Variants in DNAH6 observed in about 807,000 individuals in gnomAD.
The protein encoded by DNAH6 is axonemal beta dynein heavy chain 6.
A neutral mutation model predicts 491.4 loss-of-function variants in DNAH6; 340 were observed. The observed-to-expected ratio is 0.69, with a 90% CI of 0.63 to 0.76. DNAH6 has a LOEUF of 0.76. DNAH6 is among the 30% of genes least tolerant of loss of function. The probability of loss-of-function intolerance (pLI) is 0.00; values close to 1 mark genes in which losing one functional copy is unlikely to be tolerated. For missense variants in DNAH6, 4,443 were observed against 4,972.2 expected (o/e 0.89, Z 3.20); for synonymous variants, 1,603 against 1,686.1 (o/e 0.95, Z 1.21).
At chr2:84,649,103 G>A (rs764355143) in intron 33 of DNAH6, among the ~76,000 whole-genome samples, 17 of 152,244 alleles carry the variant, frequency 1.1e-4, no homozygotes, top group African/African-American at 3.6e-4. Context: ...GCAATAAAGC[G>A]TTTTTAAATA....
the DNAH6 span, among the ~76,000 whole-genome samples, chr2:84,479,121 G>A: frequency 2.6e-5 from 4 of 152,308 alleles, no homozygotes; most frequent in South Asian, 2.1e-4. Flanking sequence ...ATGTCCAACC[G>A]TAGTCTCCAA....
At chr2:84,482,389 G>T in the DNAH6 span, among the ~76,000 whole-genome samples, 1 of 152,204 alleles carries the variant, frequency 6.6e-6, no homozygotes. Context: ...ATGCTTCCAG[G>T]TGAAATAGAT....
intron 57 of DNAH6, 86 bp downstream of exon 57, chr2:84,713,345 A>G (rs1697229626): frequency 1.5e-6 from 2 of 1,370,662 alleles, no homozygotes; most frequent in East Asian, 2.5e-5. Flanking sequence ...TCCCACCCGG[A>G]GGGAAAGTGC....
intron 46 of DNAH6, among the ~76,000 whole-genome samples, chr2:84,695,122 T>A (rs1191459514): frequency 6.6e-6 from 1 of 152,106 alleles, no homozygotes; most frequent in Non-Finnish European, 1.5e-5. Context: ...TGACATGCAA[T>A]GAGTTTATAT....
intron 58 of DNAH6, among the ~76,000 whole-genome samples, chr2:84,716,112 T>TAC (rs1697506210): frequency 6.7e-6 from 1 of 149,610 alleles, no homozygotes; most frequent in Admixed American, 6.7e-5. Context: ...TATGTGTGTA[T>TAC]ATATATACAC....
chr2:84,721,076 A>G (rs1003807692), intron 59 of DNAH6, among the ~76,000 whole-genome samples: 9 of 152,240 alleles, frequency 5.9e-5, no homozygotes, highest in African/African-American at 2.2e-4. Flanking sequence ...AATGTCTACA[A>G]GTAGTTGCCA....
At chr2:84,648,800 T>C (rs1289978549) in intron 33 of DNAH6, among the ~76,000 whole-genome samples, 1 of 152,248 alleles carries the variant, frequency 6.6e-6, no homozygotes, top group Admixed American at 6.5e-5. Flanking sequence ...CAAAAGACTC[T>C]GTTGCATAAA....
At chr2:84,780,164 G>A (rs1676545146) in intron 64 of DNAH6, among the ~76,000 whole-genome samples, 1 of 151,964 alleles carries the variant, frequency 6.6e-6, no homozygotes, top group Non-Finnish European at 1.5e-5. Flanking sequence ...TGAATTTCTT[G>A]AAATTGCATG....
rs1558950664 is a variant in DNAH6, at chr2:84,715,584, A to G, written c.9568A>G (p.Asn3190Asp). The change falls in exon 58 of 77, where the codon AAT (asparagine) becomes GAT (aspartate). Residue 3190 changes from asparagine to aspartate, a missense_variant. Physicochemically the swap from Asn to Asp is conservative, Grantham distance 23 (BLOSUM62 1). Coordinates refer to ENST00000389394, the MANE Select transcript of DNAH6 (RefSeq NM_001370.2). ...GGTATGCATTAAAGTTACCATTATCAATTTCACTGTAACAAAATCAGGCCT... is the reference window on the plus strand; with the variant it reads ...GGTATGCATTAAAGTTACCATTATCGATTTCACTGTAACAAAATCAGGCCT... ...PEVCIKVTII[N>D]FTVTKSGLED... The G allele has an allele frequency of 2.6e-6, 4 of 1,551,470 alleles. No homozygotes were observed. The highest frequency in any genetic ancestry group is 1.7e-6 in the Non-Finnish European group (2 of 1,146,960).
chr2:84,798,311 A>C (rs1314942543), intron 70 of DNAH6, among the ~76,000 whole-genome samples: 2 of 152,120 alleles, frequency 1.3e-5, no homozygotes, highest in African/African-American at 4.8e-5. Flanking sequence ...GGACCTAAAG[A>C]AGGAGTCAGT....
chr2:84,758,645 A>C (rs79578387), intron 63 of DNAH6, among the ~76,000 whole-genome samples: 1,733 of 152,350 alleles, frequency 0.011, 35 homozygotes, highest in African/African-American at 0.04. Context: ...TAACGTATGC[A>C]AATCAATAAA....
the DNAH6 span, among the ~76,000 whole-genome samples, chr2:84,495,120 A>C: frequency 6.6e-6 from 1 of 152,206 alleles, no homozygotes; most frequent in Admixed American, 6.5e-5. Context: ...AGAATTTTTC[A>C]AAGTTCTCTA....
chr2:84,582,600 C>T (rs1204764815), intron 14 of DNAH6, among the ~76,000 whole-genome samples: 1 of 152,170 alleles, frequency 6.6e-6, no homozygotes, highest in Non-Finnish European at 1.5e-5. Context: ...TACAGGCATC[C>T]GCCACTGCGC....
At chr2:84,612,531 C>T (rs903766384) in intron 22 of DNAH6, among the ~76,000 whole-genome samples, 3 of 152,162 alleles carry the variant, frequency 2.0e-5, no homozygotes, top group East Asian at 1.9e-4. Flanking sequence ...CACTCTTTGC[C>T]CAAAAACTCT....
At chr2:84,503,684 G>GTT in the DNAH6 span, among the ~76,000 whole-genome samples, 22 of 143,512 alleles carry the variant, frequency 1.5e-4, no homozygotes, top group African/African-American at 2.3e-4. Context: ...TAGGGTAAAA[G>GTT]TTTTTTTTTT....
chr2:84,504,860 T>C, the DNAH6 span, among the ~76,000 whole-genome samples: 3 of 152,224 alleles, frequency 2.0e-5, no homozygotes, highest in Non-Finnish European at 2.9e-5. Context: ...TGCAATTCCA[T>C]GTGAATTTTA....
chr2:84,576,170 A>C (rs1165676626), intron 12 of DNAH6, among the ~76,000 whole-genome samples: 1 of 152,202 alleles, frequency 6.6e-6, no homozygotes, highest in South Asian at 2.1e-4. Flanking sequence ...ATCATTTAAC[A>C]TCTTAATTTA....
rs56329533 is a variant in DNAH6, at chr2:84,584,279, A to C, written c.2481+29A>C. The C allele has an allele frequency of 4.7e-3, 7,469 of 1,604,316 alleles. 253 individuals carry two copies. In the African/African-American group the frequency reaches 0.082, roughly 18 times the overall value. ...AGCTAAATCATTATTTTGTAAAAAT[A>C]ATCTATGCAAAGTTTTACTATTACA... On this transcript the variant is annotated intron_variant, in intron 15 of 76. Coordinates refer to ENST00000389394, the MANE Select transcript of DNAH6 (RefSeq NM_001370.2).
chr2:84,546,879 T>C (rs1678848308), intron 5 of DNAH6, among the ~76,000 whole-genome samples: 1 of 152,210 alleles, frequency 6.6e-6, no homozygotes, highest in African/African-American at 2.4e-5. Context: ...GGCTTTCTTC[T>C]GTGTCCCAGC....
Sources: allele counts gnomAD v4.1 joint callset (sites outside exome capture counted in the v4.1 genomes callset), GRCh38; gene constraint gnomAD v4.1.1; transcripts MANE v1.5; gene names NCBI Gene and HGNC (gene_info 2026-07-23, HGNC 2026-07-21).